Variants in ADAMTSL1 observed in about 807,000 individuals in gnomAD.
The protein encoded by ADAMTSL1 is ADAMTS-like protein 1.
A neutral mutation model predicts 201.8 loss-of-function variants in ADAMTSL1; 126 were observed. The ratio of observed to expected loss-of-function variants is 0.62; its 90% CI spans 0.54 to 0.72. The LOEUF is 0.72. Ranked by LOEUF, ADAMTSL1 falls within the 30% of genes least tolerant of loss-of-function variation. The pLI, the probability that ADAMTSL1 is intolerant of heterozygous loss-of-function variation, is 0.00. For missense variants in ADAMTSL1, 2,679 were observed against 2,277.8 expected (o/e 1.18, Z -3.59); for synonymous variants, 1,121 against 903.4 (o/e 1.24, Z -4.32).
intron 3 of ADAMTSL1, among the ~76,000 whole-genome samples, chr9:18,562,112 AGT>A (rs1200574656): frequency 6.6e-6 from 1 of 152,168 alleles, no homozygotes; most frequent in African/African-American, 2.4e-5. Context: ...GTTTCTTCAT[AGT>A]GTCAATGGTG....
At chr9:17,953,574 C>G (rs1827818591) in intron 1 of ADAMTSL1, among the ~76,000 whole-genome samples, 1 of 152,168 alleles carries the variant, frequency 6.6e-6, no homozygotes, top group Non-Finnish European at 1.5e-5. Flanking sequence ...ATGCCAATCA[C>G]TATGGGACTG....
At chr9:18,018,770 C>A (rs1820362030) in intron 1 of ADAMTSL1, among the ~76,000 whole-genome samples, 1 of 151,960 alleles carries the variant, frequency 6.6e-6, no homozygotes, top group Non-Finnish European at 1.5e-5. Flanking sequence ...TAGTTTGCAC[C>A]CAGATTCTTG....
chr9:18,519,921 C>G (rs775221241), intron 2 of ADAMTSL1, among the ~76,000 whole-genome samples: 1 of 152,160 alleles, frequency 6.6e-6, no homozygotes, highest in Non-Finnish European at 1.5e-5. Context: ...TGAGTATACT[C>G]CTCATTTTCA....
At chr9:18,729,617 C>T (rs1818095051) in intron 15 of ADAMTSL1, among the ~76,000 whole-genome samples, 2 of 152,228 alleles carry the variant, frequency 1.3e-5, no homozygotes, top group South Asian at 4.1e-4. Context: ...TAGAATTTCT[C>T]TTCCTTCAGT....
intron 1 of ADAMTSL1, among the ~76,000 whole-genome samples, chr9:17,922,026 G>A (rs1826322080): frequency 6.7e-6 from 1 of 150,294 alleles, no homozygotes; most frequent in South Asian, 2.1e-4. Flanking sequence ...TAAAGATCTG[G>A]CCTTGAAATA....
chr9:18,496,335 A>T (rs1486888845), intron 1 of ADAMTSL1, among the ~76,000 whole-genome samples: 1 of 152,234 alleles, frequency 6.6e-6, no homozygotes, highest in Non-Finnish European at 1.5e-5. Flanking sequence ...GCATAATATT[A>T]AGCCAGGGAG....
At chr9:17,937,511 T>A (rs761482798) in intron 1 of ADAMTSL1, among the ~76,000 whole-genome samples, 1 of 152,072 alleles carries the variant, frequency 6.6e-6, no homozygotes, top group Non-Finnish European at 1.5e-5. Context: ...ATAACATTGT[T>A]TCTATGGGAA....
intron 2 of ADAMTSL1, among the ~76,000 whole-genome samples, chr9:18,218,507 A>G (rs1426379483): frequency 2.0e-5 from 3 of 152,210 alleles, no homozygotes; most frequent in Non-Finnish European, 4.4e-5. Context: ...GTAAACTGAT[A>G]AAGTCTTTCT....
chr9:18,481,278 C>G (rs888137194), intron 1 of ADAMTSL1, among the ~76,000 whole-genome samples: 1 of 152,180 alleles, frequency 6.6e-6, no homozygotes, highest in African/African-American at 2.4e-5. Context: ...GGTGCAGTGG[C>G]TCACATCTGT....
intron 1 of ADAMTSL1, among the ~76,000 whole-genome samples, chr9:18,051,182 C>T (rs1586950264): frequency 2.0e-5 from 3 of 152,072 alleles, no homozygotes; most frequent in South Asian, 4.2e-4. Context: ...GCGCCTGTAG[C>T]CCCAGCTACT....
At chr9:18,520,659 C>T (rs1818635640) in intron 2 of ADAMTSL1, among the ~76,000 whole-genome samples, 1 of 152,182 alleles carries the variant, frequency 6.6e-6, no homozygotes, top group African/African-American at 2.4e-5. Context: ...TAACATGGCA[C>T]CAGGGATGTG....
intron 6 of ADAMTSL1, among the ~76,000 whole-genome samples, chr9:18,636,918 A>G (rs1402240544): frequency 6.6e-6 from 1 of 152,132 alleles, no homozygotes; most frequent in Non-Finnish European, 1.5e-5. Context: ...CCCCTCCCAC[A>G]CAAATGCCTG....
intron 1 of ADAMTSL1, among the ~76,000 whole-genome samples, chr9:18,056,748 CG>C (rs1340415472): frequency 5.3e-5 from 8 of 152,128 alleles, no homozygotes; most frequent in Non-Finnish European, 8.8e-5. Context: ...AGTGGGGTAA[CG>C]TCCTGCTACA....
intron 1 of ADAMTSL1, among the ~76,000 whole-genome samples, chr9:17,972,370 G>A (rs1330800956): frequency 1.5e-5 from 2 of 135,744 alleles, no homozygotes; most frequent in African/African-American, 5.6e-5. Flanking sequence ...GTGTCCATGT[G>A]TCCTCATTGT....
At chr9:18,896,430 G>C (rs142857749) in intron 26 of ADAMTSL1, among the ~76,000 whole-genome samples, 5 of 152,328 alleles carry the variant, frequency 3.3e-5, no homozygotes, top group East Asian at 3.9e-4. Flanking sequence ...TGCAGAAAGA[G>C]GGGGAGGGGC....
At chr9:18,573,451 A>G (rs949118590) in intron 3 of ADAMTSL1, 13 of 156,086 alleles carry the variant, frequency 8.3e-5, no homozygotes, top group African/African-American at 3.1e-4. Flanking sequence ...GCCTTAAGCC[A>G]AAGCAATTCA....
At chr9:18,294,626 ATGC>A (rs1326688534) in intron 2 of ADAMTSL1, among the ~76,000 whole-genome samples, 3 of 152,182 alleles carry the variant, frequency 2.0e-5, no homozygotes, top group African/African-American at 7.2e-5. Context: ...GGAAGGGAAA[ATGC>A]TGTGGGAATG....
At chr9:18,084,771 A>G (rs919384407) in intron 1 of ADAMTSL1, among the ~76,000 whole-genome samples, 1 of 147,194 alleles carries the variant, frequency 6.8e-6, no homozygotes, top group Non-Finnish European at 1.5e-5. Context: ...TGCTGGAGAC[A>G]TGAGAGTGAG....
intron 1 of ADAMTSL1, among the ~76,000 whole-genome samples, chr9:18,024,700 C>A (rs939161676): frequency 6.6e-6 from 1 of 151,922 alleles, no homozygotes; most frequent in African/African-American, 2.4e-5. Flanking sequence ...ATGTCTTTGC[C>A]CTTGTGCATA....
Sources: gnomAD v4.1 joint callset for allele counts (sites outside exome capture counted in the v4.1 genomes callset) on GRCh38, gnomAD v4.1.1 for gene constraint, MANE v1.5 for transcripts, NCBI Gene and HGNC (gene_info 2026-07-23, HGNC 2026-07-21) for gene names.